Variants in MYO16 observed in about 807,000 individuals in gnomAD.
MYO16 encodes unconventional myosin-XVI.
A neutral mutation model predicts 205.3 loss-of-function variants in MYO16; 94 were observed. That is an observed-to-expected ratio of 0.46 (90% CI 0.39 to 0.54). The LOEUF is 0.54. Among genes scored for constraint, MYO16 ranks in the 20% least tolerant of loss-of-function variants. The pLI is 0.00. For synonymous variants in MYO16, 988 were observed against 954.0 expected, an observed-to-expected ratio of 1.04 and a Z score of -0.66; for missense variants, 2,315 against 2,387.5, an observed-to-expected ratio of 0.97 and a Z score of 0.63.
rs373783291 is a variant in MYO16 at position 109,127,600 on chromosome 13, C to T, written c.4051+50C>T. The T allele has an allele frequency of 2.5e-6, 4 of 1,579,144 alleles. No individual in the cohort carries two copies. The highest frequency in any genetic ancestry group is 3.4e-6 in the Non-Finnish European group (4 of 1,166,698). On this transcript the variant is annotated intron_variant, in intron 31 of 34. Transcript: ENST00000457511. This position sits in a 1 kb window ranked among gnomAD's most constrained non-coding sequence, Gnocchi z 4.2. The stretch of plus-strand genomic sequence containing the variant: ...CTCGTGTTCCGGGCTCGCGCATGCT[C>T]TGACTTCGCCTTGGGGCGCCCATGG...
At chr13:108,759,697 T>C (rs965386943) in intron 4 of MYO16, among the ~76,000 whole-genome samples, 12 of 150,496 alleles carry the variant, frequency 8.0e-5, no homozygotes, top group Non-Finnish European at 1.5e-4. Context: ...GGCAGGCGCC[T>C]ATAGTCCCAG....
intron 11 of MYO16, among the ~76,000 whole-genome samples, chr13:108,865,872 T>A (rs1878687414): frequency 6.6e-6 from 1 of 152,102 alleles, no homozygotes; most frequent in Non-Finnish European, 1.5e-5. Context: ...TAAGTCTATA[T>A]TTTTTCATTG....
At chr13:109,190,075 G>C (rs962255538) in intron 34 of MYO16, among the ~76,000 whole-genome samples, 2 of 151,792 alleles carry the variant, frequency 1.3e-5, no homozygotes, top group African/African-American at 4.8e-5. Flanking sequence ...TAGTCAAATT[G>C]ATTAATCCTT....
intron 33 of MYO16, among the ~76,000 whole-genome samples, chr13:109,170,260 C>A (rs1489940574): frequency 6.6e-6 from 1 of 151,914 alleles, no homozygotes; most frequent in African/African-American, 2.4e-5. Flanking sequence ...TATGTGAATA[C>A]CACTTAGAAA....
intron 21 of MYO16, among the ~76,000 whole-genome samples, chr13:108,997,343 AGAGAGAGAGAGAGAGAGAGAGAGAG>A (rs1885052473): frequency 6.1e-4 from 2 of 3,270 alleles, no homozygotes; most frequent in African/African-American, 2.4e-3. Context: ...AAAGAAAGAG[AGAGAGAGAGAGAGAGAGAGAGAGAG>A]AGAGAGAGAG....
chr13:108,559,724 C>T, the MYO16 span, among the ~76,000 whole-genome samples: 1 of 152,022 alleles, frequency 6.6e-6, no homozygotes, highest in Admixed American at 6.6e-5. Context: ...CCCACCTCAG[C>T]CTCCCAAAGT....
chr13:108,600,949 AT>A lies in MYO16; in HGVS notation c.-39+4719del, dbSNP rs532870029. Reference sequence around the variant, plus strand: ...TTTTATGCCACTTATCCTCATGAAGATTTTTTTTTAATTTTACAGAAAGAAA... The same window carrying A: ...TTTTATGCCACTTATCCTCATGAAGATTTTTTTTAATTTTACAGAAAGAAA... On this transcript the variant is annotated intron_variant, in intron 1 of 24. Coordinates refer to the MYO16 transcript ENST00000251041. Among the ~76,000 whole-genome samples, 916 of 151,720 alleles carry A rather than the reference AT, an allele frequency of 6.0e-3. 13 individuals are homozygous for A. Among genetic ancestry groups the A allele is most frequent in the African/African-American group, 0.021 (878 of 41,364 alleles).
intron 11 of MYO16, among the ~76,000 whole-genome samples, chr13:108,863,022 T>G (rs1221723129): frequency 1.3e-5 from 2 of 152,182 alleles, no homozygotes; most frequent in Non-Finnish European, 2.9e-5. Context: ...TCACGGGTAA[T>G]ATATAGAGAA....
intron 27 of MYO16, among the ~76,000 whole-genome samples, chr13:109,090,008 G>T (rs923701244): frequency 6.6e-6 from 1 of 152,222 alleles, no homozygotes; most frequent in Non-Finnish European, 1.5e-5. Context: ...GCCAAGAATT[G>T]CATGGGAAAG....
At chr13:108,976,760 C>G (rs1242143040) in intron 20 of MYO16, among the ~76,000 whole-genome samples, 1 of 152,112 alleles carries the variant, frequency 6.6e-6, no homozygotes, top group Admixed American at 6.6e-5. Flanking sequence ...TTTTCTTTGT[C>G]CATTTCATGC....
Position 109,141,961 on chromosome 13 carries a change from T to A in MYO16, c.5164+585T>A, listed in dbSNP as rs1358319143. 6.6e-6 allele frequency among the ~76,000 whole-genome samples: 1 copy of A among 152,200 alleles called. No individual in the cohort carries two copies. The highest frequency in any genetic ancestry group is 1.5e-5 in the Non-Finnish European group (1 of 68,036). ...GGAGCACTCTAACGCAGCCCCGTTA[T>A]CTGTGTTTTCTCATCCAGCGACTCA... On this transcript the variant is annotated intron_variant, in intron 32 of 34. Coordinates refer to ENST00000457511, the MANE Select transcript of MYO16 (RefSeq NM_001198950.3). The surrounding 1 kb of genome is among the most constrained non-coding windows in gnomAD (Gnocchi z 4.1).
Position 108,609,648 on chromosome 13 carries a change from T to C in MYO16, c.-39+13409T>C, listed in dbSNP as rs537258493. ...GATAGCGTGGAAATTTCATTTCTGC[T>C]TCTTTGTCTTCAATTTAAAAAATTT... On this transcript the variant is annotated intron_variant, in intron 1 of 24. Transcript: ENST00000251041. 9.2e-5 allele frequency among the ~76,000 whole-genome samples: 14 copies of C among 152,334 alleles called. No homozygotes were observed. In the South Asian group the frequency reaches 2.9e-3, roughly 32 times the overall value.
chr13:108,914,168 CTAT>C (rs1017671623), intron 16 of MYO16, among the ~76,000 whole-genome samples: 80 of 148,480 alleles, frequency 5.4e-4, no homozygotes, highest in African/African-American at 1.4e-3. Context: ...AGTATATCTA[CTAT>C]TATTAAGTAG....
intron 11 of MYO16, among the ~76,000 whole-genome samples, chr13:108,858,082 C>T (rs196158): frequency 0.14 from 21,517 of 152,092 alleles, 1,683 homozygotes; most frequent in East Asian, 0.28. Flanking sequence ...GATTAAATGA[C>T]AATATGTGCT....
chr13:108,958,064 G>A (rs1010768020), intron 17 of MYO16, among the ~76,000 whole-genome samples: 1 of 151,228 alleles, frequency 6.6e-6, no homozygotes, highest in Non-Finnish European at 1.5e-5. Context: ...CAAGAGGAGA[G>A]GGTGCAGTTT....
At chr13:108,775,016 T>A (rs1886081974) in intron 4 of MYO16, among the ~76,000 whole-genome samples, 2 of 152,170 alleles carry the variant, frequency 1.3e-5, no homozygotes, top group Admixed American at 1.3e-4. Flanking sequence ...ATGAAGTAAG[T>A]TTAGGCTTGG....
chr13:108,812,663 G>T (rs189437148), intron 7 of MYO16, among the ~76,000 whole-genome samples: 57 of 152,276 alleles, frequency 3.7e-4, no homozygotes, highest in African/African-American at 1.3e-3. Context: ...TTTAATGGTT[G>T]CTATGTGTCT....
At chr13:108,676,396 TGTGTGTG>T (rs1373313516) in intron 2 of MYO16, among the ~76,000 whole-genome samples, 1 of 148,366 alleles carries the variant, frequency 6.7e-6, no homozygotes, top group African/African-American at 2.5e-5. Flanking sequence ...TGTGTGTGTG[TGTGTGTG>T]TGTGCCAGCC....
chr13:108,692,251 A>T (rs892912861), intron 2 of MYO16, among the ~76,000 whole-genome samples: 5 of 152,176 alleles, frequency 3.3e-5, no homozygotes, highest in Non-Finnish European at 5.9e-5. Context: ...TGAGCTTTCT[A>T]TTTCCTTGAT....
Sources: gnomAD v4.1 joint callset for allele counts (sites outside exome capture counted in the v4.1 genomes callset) on GRCh38, gnomAD v4.1.1 for gene constraint, Gnocchi (gnomAD v3.1) non-coding constraint, MANE v1.5 for transcripts, NCBI Gene and HGNC (gene_info 2026-07-23, HGNC 2026-07-21) for gene names.